The following TANK variants were observed in gnomAD, a reference collection of about 807,000 sequenced individuals.
The protein encoded by TANK is TRAF family member associated NFKB activator, also known as TRAF family member-associated NF-kappa-B activator.
TANK carries 15 observed loss-of-function variants against 43.6 expected under a neutral mutation model. The ratio of observed to expected loss-of-function variants is 0.34; its 90% confidence interval spans 0.23 to 0.53. TANK has a LOEUF of 0.53. TANK is among the 20% of genes least tolerant of loss of function. The pLI is 0.94. For synonymous variants in TANK, 162 were observed against 178.2 expected (o/e 0.91, Z 0.73); for missense variants, 417 against 498.6 (o/e 0.84, Z 1.56).
At chr2:161,186,204 C>T (rs1009352089) in intron 2 of TANK, among the ~76,000 whole-genome samples, 4 of 152,178 alleles carry the variant, frequency 2.6e-5, no homozygotes, top group African/African-American at 7.2e-5. Flanking sequence ...AGTAAAACAA[C>T]GAAAGTCCTT....
intron 4 of TANK, among the ~76,000 whole-genome samples, chr2:161,216,222 TA>T (rs1248251859): frequency 5.9e-5 from 9 of 152,188 alleles, no homozygotes; most frequent in Non-Finnish European, 1.2e-4. Context: ...CATTTTATCT[TA>T]ATAATATTAT....
chr2:161,220,956 C>T (rs774647986), intron 4 of TANK, among the ~76,000 whole-genome samples: 55 of 152,192 alleles, frequency 3.6e-4, no homozygotes, highest in Middle Eastern at 6.8e-3. Context: ...ATTCAACTGT[C>T]CCTTGAACAT....
chr2:161,178,006 T>A (rs1391835129), intron 1 of TANK, among the ~76,000 whole-genome samples: 1 of 152,030 alleles, frequency 6.6e-6, no homozygotes. Flanking sequence ...ATTTTTTAAG[T>A]GGACTATAAG....
chr2:161,205,300 CAG>C (rs1283202941), intron 4 of TANK, among the ~76,000 whole-genome samples: 1 of 152,068 alleles, frequency 6.6e-6, no homozygotes, highest in African/African-American at 2.4e-5. Flanking sequence ...GTTTGGGTAA[CAG>C]AGTGAGACCC....
intron 2 of TANK, among the ~76,000 whole-genome samples, chr2:161,185,354 G>A (rs529414860): frequency 1.3e-5 from 2 of 152,164 alleles, no homozygotes; most frequent in East Asian, 3.9e-4. Context: ...AAGTTGAGTG[G>A]GAAGGGCAGA....
chr2:161,184,979 T>C (rs1307741299), intron 2 of TANK, among the ~76,000 whole-genome samples: 2 of 152,040 alleles, frequency 1.3e-5, no homozygotes, highest in Non-Finnish European at 2.9e-5. Flanking sequence ...GTTGAAAGAA[T>C]ATTTGAAGGA....
At chr2:161,171,948 G>C (rs1447653769) in intron 1 of TANK, among the ~76,000 whole-genome samples, 1 of 151,974 alleles carries the variant, frequency 6.6e-6, no homozygotes, top group South Asian at 2.1e-4. Context: ...GATACAAACT[G>C]TACCACTCTT....
At chr2:161,160,847 A>T (rs1684393776) in intron 1 of TANK, 1 of 518,866 alleles carries the variant, frequency 1.9e-6, no homozygotes. Context: ...CTCCAGGAAC[A>T]TTCCCGACTT....
chr2:161,180,363 G>A (rs1685365217), intron 2 of TANK, among the ~76,000 whole-genome samples: 1 of 152,038 alleles, frequency 6.6e-6, no homozygotes, highest in Non-Finnish European at 1.5e-5. Flanking sequence ...GGCATATCCA[G>A]GCAAAAATTA....
chr2:161,175,160 C>T (rs1267078), intron 1 of TANK, among the ~76,000 whole-genome samples: 125,165 of 152,060 alleles, frequency 0.82, 51,652 homozygotes, highest in East Asian at 1. Flanking sequence ...GGAGGAGATG[C>T]CATGTCTGAT....
At chr2:161,195,377 G>A (rs1686099530) in intron 2 of TANK, among the ~76,000 whole-genome samples, 1 of 152,172 alleles carries the variant, frequency 6.6e-6, no homozygotes, top group Non-Finnish European at 1.5e-5. Flanking sequence ...CTATTAGAAT[G>A]TCTGTTGGGG....
chr2:161,172,699 G>A (rs961641735), intron 1 of TANK, among the ~76,000 whole-genome samples: 3 of 152,046 alleles, frequency 2.0e-5, no homozygotes, highest in South Asian at 2.1e-4. Flanking sequence ...CACCTGAGGC[G>A]CTTTGCTAAC....
rs200444268 is a variant in TANK, at chr2:161,179,790, C to A, written c.99+29C>A. ...TGTGGTTCTGGTTTTGAAAGTTATT[C>A]TTTATCTTGGTACATGGAATTTTAG... is the stretch of plus-strand genomic sequence containing the variant. On this transcript the variant is annotated intron_variant, in intron 2 of 7. Coordinates refer to ENST00000392749, the MANE Select transcript of TANK (RefSeq NM_001199135.3). The A allele has an allele frequency of 2.1e-5, 34 of 1,591,500 alleles. No individual in the cohort carries two copies. In the East Asian group the frequency reaches 6.1e-4, roughly 29 times the overall value.
intron 6 of TANK, 148 bp downstream of exon 6, chr2:161,224,894 G>T: frequency 1.9e-6 from 1 of 513,126 alleles, no homozygotes; most frequent in Non-Finnish European, 3.5e-6. Flanking sequence ...TGTACATGCT[G>T]TGTAAGTTCT....
intron 1 of TANK, among the ~76,000 whole-genome samples, chr2:161,173,512 A>G (rs532235922): frequency 3.1e-4 from 47 of 152,224 alleles, no homozygotes; most frequent in African/African-American, 9.1e-4. Flanking sequence ...TTTACTTAAC[A>G]GTTTTCTTCT....
chr2:161,148,619 G>A (rs1332322758), intron 1 of TANK, among the ~76,000 whole-genome samples: 1 of 152,112 alleles, frequency 6.6e-6, no homozygotes, highest in Non-Finnish European at 1.5e-5. Flanking sequence ...TTACCCACTT[G>A]TGTTTGTCTA....
At chr2:161,202,011 A>T (rs1686435132) in intron 2 of TANK, among the ~76,000 whole-genome samples, 1 of 152,142 alleles carries the variant, frequency 6.6e-6, no homozygotes. Flanking sequence ...TACTTAATCC[A>T]TATGAATTCT....
At chr2:161,199,168 C>G (rs765253815) in intron 2 of TANK, among the ~76,000 whole-genome samples, 3 of 151,960 alleles carry the variant, frequency 2.0e-5, no homozygotes, top group Non-Finnish European at 4.4e-5. Flanking sequence ...TTGTGGTAGC[C>G]ACGCAAATCC....
rs1427450764 is a variant in TANK, at chr2:161,223,876, A to G, written c.328-39A>G. The G allele has an allele frequency of 3.0e-6, 4 of 1,333,390 alleles. No individual in the cohort carries two copies. In the African/African-American group the frequency reaches 5.8e-5, roughly 19 times the overall value. 82.6% of individuals were successfully genotyped at this position (1,333,390 alleles called of 1,614,324 possible). ...CTCGACCTCATTTGAATTTGGGAGC[A>G]ATTTAAAGTAGTAATAGTAATCATT... On this transcript the variant is annotated intron_variant, in intron 4 of 7. Coordinates refer to ENST00000392749, the MANE Select transcript of TANK (RefSeq NM_001199135.3).
Sources: allele counts gnomAD v4.1 joint callset (sites outside exome capture counted in the v4.1 genomes callset), GRCh38; gene constraint gnomAD v4.1.1; transcripts MANE v1.5; gene names NCBI Gene and HGNC (gene_info 2026-07-23, HGNC 2026-07-21).